WWOX: variants seen among roughly 807,000 people sequenced by gnomAD.
WWOX encodes the protein WW domain-containing oxidoreductase.
A neutral mutation model predicts 46.2 loss-of-function variants in WWOX; 69 were observed. That is an observed-to-expected ratio of 1.49 (90% CI 1.23 to 1.82). The LOEUF (loss-of-function observed/expected upper bound fraction) is 1.82, where lower values mean the gene tolerates loss of function less well. Ranked by LOEUF, WWOX falls within the 40% of genes most tolerant of loss-of-function variation. The probability of loss-of-function intolerance (pLI) is 0.00; values close to 1 mark genes in which losing one functional copy is unlikely to be tolerated. For missense variants in WWOX, 919 were observed against 542.6 expected (o/e 1.69, Z -6.89); for synonymous variants, 359 against 202.6 (o/e 1.77, Z -6.56).
At chr16:78,716,675 C>T (rs2048569273) in intron 8 of WWOX, among the ~76,000 whole-genome samples, 1 of 151,992 alleles carries the variant, frequency 6.6e-6, no homozygotes, top group African/African-American at 2.4e-5. Flanking sequence ...GGTGACATCA[C>T]ACCCAAGGAG....
At chr16:78,547,127 GAAAAAAAAAAAAAAAAA>G (rs199726097) in intron 8 of WWOX, among the ~76,000 whole-genome samples, 10 of 87,504 alleles carry the variant, frequency 1.1e-4, no homozygotes, top group South Asian at 4.3e-4. Context: ...CCTTGTCTCA[GAAAAAAAAAAAAAAAAA>G]AAAAAAAAAA....
chr16:78,800,438 C>G (rs1349762565), intron 8 of WWOX, among the ~76,000 whole-genome samples: 2 of 152,234 alleles, frequency 1.3e-5, no homozygotes, highest in African/African-American at 2.4e-5. Flanking sequence ...CCTGTAGTCA[C>G]TGGCTATGAA....
chr16:78,950,592 T>C (rs1477834946), intron 8 of WWOX, among the ~76,000 whole-genome samples: 1 of 151,846 alleles, frequency 6.6e-6, no homozygotes, highest in African/African-American at 2.4e-5. Context: ...AATGGAGATT[T>C]CTAACATAAT....
intron 8 of WWOX, among the ~76,000 whole-genome samples, chr16:78,711,384 A>C (rs780970354): frequency 3.3e-5 from 5 of 152,194 alleles, no homozygotes; most frequent in Non-Finnish European, 7.4e-5. Flanking sequence ...ATATCTGGCC[A>C]CTGTATATGC....
At chr16:79,137,328 G>A (rs1383662433) in intron 8 of WWOX, among the ~76,000 whole-genome samples, 1 of 152,172 alleles carries the variant, frequency 6.6e-6, no homozygotes, top group African/African-American at 2.4e-5. Context: ...TCTTGGCAAG[G>A]CTTATCAAAA....
intron 8 of WWOX, among the ~76,000 whole-genome samples, chr16:78,646,211 A>T (rs1242331627): frequency 6.6e-6 from 1 of 152,034 alleles, no homozygotes; most frequent in Non-Finnish European, 1.5e-5. Flanking sequence ...GGTAGAGATG[A>T]TATCTTGCTC....
chr16:78,856,626 G>A (rs1253048352), intron 8 of WWOX, among the ~76,000 whole-genome samples: 1 of 152,154 alleles, frequency 6.6e-6, no homozygotes, highest in Non-Finnish European at 1.5e-5. Flanking sequence ...GTGGGTGACA[G>A]AGCAAGACTC....
chr16:78,820,925 C>G (rs955508902), intron 8 of WWOX, among the ~76,000 whole-genome samples: 1 of 152,172 alleles, frequency 6.6e-6, no homozygotes, highest in Admixed American at 6.5e-5. Context: ...CTTACATCAC[C>G]TTCTCCTCTG....
chr16:79,050,396 T>G (rs1009268890), intron 8 of WWOX, among the ~76,000 whole-genome samples: 6 of 152,178 alleles, frequency 3.9e-5, no homozygotes, highest in Non-Finnish European at 7.4e-5. Context: ...AGACATGACT[T>G]TCTTATGGCA....
At chr16:78,862,398 G>T (rs1026419780) in intron 8 of WWOX, among the ~76,000 whole-genome samples, 4 of 151,212 alleles carry the variant, frequency 2.6e-5, no homozygotes, top group African/African-American at 9.7e-5. Flanking sequence ...ACACACTATA[G>T]TGTATGTACT....
rs146957663 is a variant in WWOX at position 78,392,727 on chromosome 16, G to A, written c.605+5779G>A. 3.3e-3 allele frequency among the ~76,000 whole-genome samples: 509 copies of A among 152,210 alleles called. 4 individuals carry two copies. The highest frequency in any genetic ancestry group is 5.0e-3 in the Non-Finnish European group (338 of 68,020). Reference sequence around the variant, plus strand: ...AGACTCAATCAACTTCGTGTTTAATGTTTTCGTAAGAATACTTCAGAGGCA... The same window carrying A: ...AGACTCAATCAACTTCGTGTTTAATATTTTCGTAAGAATACTTCAGAGGCA... On this transcript the variant is annotated intron_variant, in intron 6 of 8. Coordinates refer to ENST00000566780, the MANE Select transcript of WWOX (RefSeq NM_016373.4).
chr16:78,621,162 A>C (rs1023471235), intron 8 of WWOX, among the ~76,000 whole-genome samples: 3 of 152,118 alleles, frequency 2.0e-5, no homozygotes, highest in African/African-American at 7.2e-5. Flanking sequence ...GATGGTTTTA[A>C]CTCACACCTG....
chr16:78,529,214 C>G (rs1270721133), intron 8 of WWOX, among the ~76,000 whole-genome samples: 6 of 152,020 alleles, frequency 3.9e-5, no homozygotes, highest in African/African-American at 7.2e-5. Context: ...CTCAGCCTCC[C>G]AAAATGCCGA....
chr16:78,825,960 G>A, intron 8 of WWOX: 1 of 792,454 alleles, frequency 1.3e-6, no homozygotes, highest in South Asian at 2.2e-5. Context: ...CAGAAGGGTG[G>A]GAAGCCAGAG....
chr16:78,949,163 G>T (rs533366015), intron 8 of WWOX, among the ~76,000 whole-genome samples: 2 of 152,186 alleles, frequency 1.3e-5, no homozygotes, highest in Non-Finnish European at 2.9e-5. Flanking sequence ...TTTGGCAGCA[G>T]ATTCTTTCCT....
rs183345832 is a variant in WWOX at position 78,612,083 on chromosome 16, G to C, written c.1056+179331G>C. 1.6e-4 allele frequency among the ~76,000 whole-genome samples: 25 copies of C among 152,314 alleles called. No homozygotes were observed. In the East Asian group the frequency reaches 4.1e-3, roughly 25 times the overall value. ...CTGGCATATCCTTTAGGATTCTTTA[G>C]TGTTGGTAGATTGAGATGGAAATGA... is the stretch of plus-strand genomic sequence containing the variant. On this transcript the variant is annotated intron_variant, in intron 8 of 8. Transcript: ENST00000566780.
intron 8 of WWOX, chr16:78,897,385 T>C (rs2044728389): frequency 6.6e-6 from 1 of 152,186 alleles, no homozygotes. Flanking sequence ...TAACTTTGTT[T>C]TACCTGTTCT....
At chr16:78,891,083 A>T (rs1014326843) in intron 8 of WWOX, 1 of 152,192 alleles carries the variant, frequency 6.6e-6, no homozygotes, top group Non-Finnish European at 1.5e-5. Context: ...GTGATCCTGG[A>T]TGAATGAATA....
chr16:78,870,208 C>T (rs1313210414), intron 8 of WWOX, among the ~76,000 whole-genome samples: 1 of 152,198 alleles, frequency 6.6e-6, no homozygotes, highest in Non-Finnish European at 1.5e-5. Context: ...TCTGCTTCCT[C>T]AAGATTCTGT....
Sources: gnomAD v4.1 joint callset for allele counts (sites outside exome capture counted in the v4.1 genomes callset) on GRCh38, gnomAD v4.1.1 for gene constraint, MANE v1.5 for transcripts, NCBI Gene and HGNC (gene_info 2026-07-23, HGNC 2026-07-21) for gene names.